The following FARS2 variants were observed in gnomAD, a reference collection of about 807,000 sequenced individuals.
FARS2 encodes phenylalanine--tRNA ligase, mitochondrial.
In FARS2, 40 loss-of-function variants were observed where a neutral mutation model predicts 46.4. That is an observed-to-expected ratio of 0.86 (90% confidence interval 0.67 to 1.12). FARS2 has a LOEUF of 1.12. Ranked by LOEUF, FARS2 falls within the 50% of genes most tolerant of loss-of-function variation. FARS2 has a pLI of 0.00. For missense variants in FARS2, 513 were observed against 567.9 expected (o/e 0.90, Z 0.98); for synonymous variants, 234 against 214.9 (o/e 1.09, Z -0.78).
intron 1 of FARS2, among the ~76,000 whole-genome samples, chr6:5,365,115 C>G (rs1479818511): frequency 1.3e-5 from 2 of 151,372 alleles, no homozygotes; most frequent in East Asian, 3.9e-4. Context: ...AGATTTGGCC[C>G]TTGGGTCTGT....
intron 6 of FARS2, among the ~76,000 whole-genome samples, chr6:5,626,663 T>A (rs1776048155): frequency 6.6e-6 from 1 of 152,250 alleles, no homozygotes; most frequent in Admixed American, 6.5e-5. Context: ...CAGACCTGGT[T>A]AGATCTCAGT....
intron 6 of FARS2, among the ~76,000 whole-genome samples, chr6:5,746,481 C>T (rs1221987892): frequency 3.3e-5 from 5 of 152,076 alleles, no homozygotes; most frequent in Admixed American, 6.6e-5. Context: ...TCAGAGTCCC[C>T]GAGCCAAGCA....
chr6:5,743,659 G>A (rs777919240), intron 6 of FARS2, among the ~76,000 whole-genome samples: 76 of 152,318 alleles, frequency 5.0e-4, no homozygotes, highest in Admixed American at 1.4e-3. Flanking sequence ...CTGTTTTCAC[G>A]TTAGGGTGGC....
chr6:5,756,288 CT>C (rs1762201187), intron 6 of FARS2, among the ~76,000 whole-genome samples: 1 of 152,176 alleles, frequency 6.6e-6, no homozygotes, highest in Non-Finnish European at 1.5e-5. Flanking sequence ...CAGCTACCTA[CT>C]TTTTTATAAA....
chr6:5,435,511 T>C (rs1466361344), intron 4 of FARS2, among the ~76,000 whole-genome samples: 5 of 152,264 alleles, frequency 3.3e-5, no homozygotes, highest in African/African-American at 7.2e-5. Flanking sequence ...AGTCGTAGTG[T>C]CTTCACCGTT....
chr6:5,276,686 C>G (rs1482589768), intron 1 of FARS2, among the ~76,000 whole-genome samples: 5 of 152,180 alleles, frequency 3.3e-5, no homozygotes, highest in African/African-American at 4.8e-5. Context: ...CTCTGGGTCC[C>G]CAAACTGATG....
At chr6:5,553,136 T>C (rs1334810466) in intron 5 of FARS2, among the ~76,000 whole-genome samples, 1 of 152,184 alleles carries the variant, frequency 6.6e-6, no homozygotes, top group African/African-American at 2.4e-5. Context: ...AATTCAGCAA[T>C]GTTGGCTGTT....
intron 2 of FARS2, among the ~76,000 whole-genome samples, chr6:5,393,330 G>C (rs767962315): frequency 1.8e-4 from 28 of 152,062 alleles, no homozygotes; most frequent in Admixed American, 4.6e-4. Flanking sequence ...TGGAGGGTCT[G>C]GGAGTGACGA....
At chr6:5,685,166 A>G (rs1383592722) in intron 6 of FARS2, among the ~76,000 whole-genome samples, 2 of 152,120 alleles carry the variant, frequency 1.3e-5, no homozygotes, top group Admixed American at 6.5e-5. Flanking sequence ...GAGGGTTCCT[A>G]TCATTTGGGG....
At chr6:5,653,856 G>A (rs553255556) in intron 6 of FARS2, among the ~76,000 whole-genome samples, 6 of 151,890 alleles carry the variant, frequency 4.0e-5, no homozygotes, top group South Asian at 4.1e-4. Context: ...CTGCATCTTC[G>A]TGGAGTGCGG....
At chr6:5,624,599 G>A (rs1039454377) in intron 6 of FARS2, among the ~76,000 whole-genome samples, 3 of 152,216 alleles carry the variant, frequency 2.0e-5, no homozygotes, top group African/African-American at 7.2e-5. Flanking sequence ...TTTTCAGCGA[G>A]TCTTTGGCTA....
chr6:5,661,281 C>T (rs1777842001), intron 6 of FARS2, among the ~76,000 whole-genome samples: 1 of 152,218 alleles, frequency 6.6e-6, no homozygotes, highest in African/African-American at 2.4e-5. Context: ...TTGAGGTTTA[C>T]TGGAGGCACT....
intron 4 of FARS2, among the ~76,000 whole-genome samples, chr6:5,523,716 A>G (rs1769290643): frequency 6.6e-6 from 1 of 152,150 alleles, no homozygotes; most frequent in Admixed American, 6.5e-5. Context: ...GTTACCTAGC[A>G]CACTTTCTGT....
At chr6:5,474,987 A>G (rs953557724) in intron 4 of FARS2, among the ~76,000 whole-genome samples, 3 of 152,186 alleles carry the variant, frequency 2.0e-5, no homozygotes, top group African/African-American at 7.2e-5. Context: ...TTACAGGACC[A>G]CTGTCATATA....
chr6:5,509,438 C>T (rs535510569), intron 4 of FARS2, among the ~76,000 whole-genome samples: 2 of 152,342 alleles, frequency 1.3e-5, no homozygotes, highest in East Asian at 1.9e-4. Context: ...AAAGAAATCT[C>T]GTGAGCACAC....
intron 1 of FARS2, among the ~76,000 whole-genome samples, chr6:5,346,894 G>A (rs956051998): frequency 1.3e-5 from 2 of 149,230 alleles, no homozygotes; most frequent in African/African-American, 4.9e-5. Context: ...ACGGACCTTA[G>A]TTATACCATT....
At chr6:5,322,237 A>C (rs1770030289) in intron 1 of FARS2, among the ~76,000 whole-genome samples, 1 of 152,250 alleles carries the variant, frequency 6.6e-6, no homozygotes, top group African/African-American at 2.4e-5. Flanking sequence ...GTTTTGACTT[A>C]ATATTAGGTA....
intron 4 of FARS2, among the ~76,000 whole-genome samples, chr6:5,438,831 G>A (rs1414487232): frequency 1.3e-5 from 2 of 152,166 alleles, no homozygotes. Flanking sequence ...ATATTTTGGA[G>A]CATTTTGGAT....
chr6:5,501,071 T>G (rs1394556216), intron 4 of FARS2, among the ~76,000 whole-genome samples: 1 of 151,894 alleles, frequency 6.6e-6, no homozygotes, highest in African/African-American at 2.4e-5. Context: ...AAAACTGGAC[T>G]GTGCTTATCA....
Sources: allele counts gnomAD v4.1 joint callset (sites outside exome capture counted in the v4.1 genomes callset), GRCh38; gene constraint gnomAD v4.1.1; transcripts MANE v1.5; gene names NCBI Gene and HGNC (gene_info 2026-07-23, HGNC 2026-07-21).